The following SLC4A1 variants were observed in gnomAD, a reference collection of about 807,000 sequenced individuals.
SLC4A1 encodes solute carrier family 4 member 1 (Diego blood group), also known as band 3 anion transport protein.
In SLC4A1, 29 loss-of-function variants were observed where a neutral mutation model predicts 93.1. The observed-to-expected ratio is 0.31, with a 90% CI of 0.23 to 0.42. The LOEUF (loss-of-function observed/expected upper bound fraction) is 0.42. Ranked by LOEUF, SLC4A1 falls within the 20% of genes least tolerant of loss-of-function variation. The pLI, the probability that SLC4A1 is intolerant of heterozygous loss-of-function variation, is 1.00. For missense variants in SLC4A1, 965 were observed against 1,190.1 expected (o/e 0.81, Z 2.78); for synonymous variants, 469 against 497.2 (o/e 0.94, Z 0.76).
chr17:44,261,308 C>T (rs1449395746), intron 4 of SLC4A1, among the ~76,000 whole-genome samples: 7 of 152,160 alleles, frequency 4.6e-5, no homozygotes, highest in African/African-American at 9.7e-5. Context: ...CAGTGACGCC[C>T]GACAGCCCAG....
intron 11 of SLC4A1, 69 bp from the exon 12 acceptor site, chr17:44,257,876 G>A (rs1037225902): frequency 5.6e-6 from 9 of 1,608,500 alleles, no homozygotes; most frequent in Middle Eastern, 1.9e-4. Flanking sequence ...AGCAAGTCAT[G>A]GTCAGGCTGA....
rs1329261701 is a variant in SLC4A1, at chr17:44,253,127, C to T, written c.2302G>A (p.Val768Met). 2 of 1,611,892 alleles carry T rather than the reference C, an allele frequency of 1.2e-6. No homozygotes were observed. Among genetic ancestry groups the T allele is most frequent in the South Asian group, 2.2e-5 (2 of 91,082 alleles). ...EQRISGLLVA[V>M]LVGLSILMEP... ...CCCAGCTTTCACTCACCCACAAGCACAGCGACCAGGAGTCCACTGATCCGC... is the reference window on the plus strand; with the variant it reads ...CCCAGCTTTCACTCACCCACAAGCATAGCGACCAGGAGTCCACTGATCCGC... Residue 768 changes from valine (V) to methionine (M), a missense_variant, in exon 17 of 20, where the codon GTG (valine) becomes ATG (methionine). Physicochemically the swap from Val to Met is conservative, Grantham distance 21. Coordinates refer to ENST00000262418, the MANE Select transcript of SLC4A1 (RefSeq NM_000342.4).
At position 44,262,377 on chromosome 17, in the gene SLC4A1, C is replaced by T. The variant is rs16940582; in HGVS notation, c.106+259G>A. On this transcript the variant is annotated intron_variant, in intron 3 of 19. Transcript: ENST00000262418. Reference sequence around the variant, plus strand: ...TGGGCACAGATGGCATGTGGGCTCACGCCCTTGTCCCAAACTGGCTGCCCG... The same window carrying T: ...TGGGCACAGATGGCATGTGGGCTCATGCCCTTGTCCCAAACTGGCTGCCCG... 0.041 allele frequency among the ~76,000 whole-genome samples: 6,306 copies of T among 152,330 alleles called. 207 individuals are homozygous for T. The highest frequency in any genetic ancestry group is 0.084 in the East Asian group (434 of 5,184).
At position 44,255,202 on chromosome 17, in the gene SLC4A1, G is replaced by T; in HGVS notation, c.1890+5C>A. 6.4e-7 allele frequency: 1 copy of T among 1,550,992 alleles called. No individual in the cohort carries two copies. Among genetic ancestry groups the T allele is most frequent in the Non-Finnish European group, 8.7e-7 (1 of 1,145,436 alleles). On this transcript the variant is annotated splice_donor_5th_base_variant and intron_variant, in intron 15 of 19. Coordinates refer to ENST00000262418, the MANE Select transcript of SLC4A1 (RefSeq NM_000342.4). ...CATGGTCTGAGGGCTGGGAGGAGGG[G>T]TCACCTGGGTGTAGGTATCCTGAAT...
Position 44,251,186 on chromosome 17 carries a change from G to A in SLC4A1, c.2628C>T (p.Leu876=), listed in dbSNP as rs1567827836. 6.2e-7 allele frequency: 1 copy of A among 1,610,382 alleles called. No individual in the cohort carries two copies. The highest frequency in any genetic ancestry group is 8.5e-7 in the Non-Finnish European group (1 of 1,178,494). Residue 876 remains leucine, a synonymous_variant, in exon 19 of 20, where the codon CTC becomes CTT. Transcript: ENST00000262418. ...ACTGAAGCTCCACGTTCCTGAAGAT[G>A]AGCGGCAGCAGGACGCGCCGCAGCG... ...TVPLRRVLLP[L]IFRNVELQCL...
intron 6 of SLC4A1, 142 bp downstream of exon 6, chr17:44,260,262 A>C (rs2047430669): frequency 5.5e-6 from 6 of 1,087,368 alleles, no homozygotes; most frequent in Non-Finnish European, 8.1e-6. Flanking sequence ...AAGGTGTCAG[A>C]GATGGGAGCC....
In SLC4A1 at chr17:44,260,463, T is replaced by C. The variant is rs1791828558; in HGVS notation, c.426A>G (p.Glu142=). The C allele has an allele frequency of 6.2e-7, 1 of 1,614,144 alleles. No homozygotes were observed. The highest frequency in any genetic ancestry group is 8.5e-7 in the Non-Finnish European group (1 of 1,179,998). The part of the protein sequence containing the change: ...ANQLLDRFIF[E]DQIRPQDREE... ...CTCGGTCCTGAGGCCGGATCTGGTC[T>C]TCAAAGATAAACCTGTCTAGCAGTT... The change falls in exon 6 of 20, where the codon GAA becomes GAG. Residue 142 remains glutamate (E), a synonymous_variant. Coordinates refer to ENST00000262418, the MANE Select transcript of SLC4A1 (RefSeq NM_000342.4).
intron 1 of SLC4A1, among the ~76,000 whole-genome samples, chr17:44,264,979 G>A (rs1449606662): frequency 2.7e-5 from 4 of 148,214 alleles, no homozygotes; most frequent in Admixed American, 1.3e-4. Flanking sequence ...TGGAGGCTGT[G>A]GGGAGGGGGT....
At position 44,250,410 on chromosome 17, in the gene SLC4A1, G is replaced by A. The variant is rs376557742; in HGVS notation, c.*48C>T. ...ATGAACTTCTGCTTTTCCTTGGAAG[G>A]TGGGGATGTGGAATGGTGGGGGAGG... On this transcript the variant is annotated 3_prime_UTR_variant, in exon 20 of 20. Coordinates refer to ENST00000262418, the MANE Select transcript of SLC4A1 (RefSeq NM_000342.4). 2.1e-6 allele frequency: 3 copies of A among 1,449,520 alleles called. No homozygotes were observed. The highest frequency in any genetic ancestry group is 2.3e-5 in the East Asian group (1 of 44,102). 89.8% of individuals were successfully genotyped at this position (1,449,520 alleles called of 1,614,324 possible).
chr17:44,266,239 C>T (rs2047495182), intron 1 of SLC4A1, among the ~76,000 whole-genome samples: 1 of 152,076 alleles, frequency 6.6e-6, no homozygotes, highest in Non-Finnish European at 1.5e-5. Flanking sequence ...CTCTCTTTTT[C>T]CTCCTCCCTC....
intron 4 of SLC4A1, among the ~76,000 whole-genome samples, chr17:44,261,018 G>A (rs867261525): frequency 2.0e-5 from 3 of 152,170 alleles, no homozygotes; most frequent in Non-Finnish European, 4.4e-5. Context: ...GGAGAACCCT[G>A]ACCCAAAGGG....
chr17:44,259,784 G>GTA (rs767059036), intron 7 of SLC4A1, 25 bp downstream of exon 7: 53 of 1,613,700 alleles, frequency 3.3e-5, no homozygotes, highest in Non-Finnish European at 4.5e-5. Flanking sequence ...CCCTGACCCT[G>GTA]ACCCTGACCC....
At chr17:44,263,727 T>C (rs796195031) in intron 1 of SLC4A1, among the ~76,000 whole-genome samples, 48 of 142,864 alleles carry the variant, frequency 3.4e-4, no homozygotes, top group African/African-American at 1.3e-3. Flanking sequence ...CCTTCCTTCC[T>C]TCCTTCCTTC....
At chr17:44,264,895 G>A (rs1023808362) in intron 1 of SLC4A1, among the ~76,000 whole-genome samples, 19 of 152,044 alleles carry the variant, frequency 1.2e-4, no homozygotes, top group East Asian at 1.9e-4. Context: ...CTACAGCACA[G>A]GGCATTGAGG....
rs1258135616 is a variant in SLC4A1, at chr17:44,256,168, C to CATCCAT, written c.1627-328_1627-323dup. 2.6e-5 allele frequency among the ~76,000 whole-genome samples: 4 copies of CATCCAT among 152,280 alleles called. No individual in the cohort carries two copies. In the East Asian group the frequency reaches 7.7e-4, roughly 29 times the overall value. On this transcript the variant is annotated intron_variant, in intron 13 of 19. Coordinates refer to ENST00000262418, the MANE Select transcript of SLC4A1 (RefSeq NM_000342.4). ...CCATCCATCCAACCATCCATCCATC[C>CATCCAT]ATCCATCCGTCCATCCATTATCCAT... is the stretch of plus-strand genomic sequence containing the variant.
Position 44,254,521 on chromosome 17 carries a change from T to C in SLC4A1, c.2032A>G (p.Ile678Val). ...GTGGTGATCTGAGACTCCAGGAATA[T>C]GAGGATGAAGACCAGCAGAGCAGGC... ...ALPALLVFIL[I>V]FLESQITTLI... Residue 678 changes from isoleucine (I) to valine (V), a missense_variant, in exon 16 of 20, where the codon ATA becomes GTA. By Grantham distance (29) the Ile-to-Val change is conservative. Transcript: ENST00000262418. 1 of 1,584,014 alleles carries C rather than the reference T, an allele frequency of 6.3e-7. No individual in the cohort carries two copies. The highest frequency in any genetic ancestry group is 8.6e-7 in the Non-Finnish European group (1 of 1,161,744).
rs779087988 is a variant in SLC4A1, at chr17:44,259,830, C to T, written c.588G>A (p.Glu196=). The T allele has an allele frequency of 7.4e-6, 12 of 1,614,080 alleles. No individual in the cohort carries two copies. Among genetic ancestry groups the T allele is most frequent in the Non-Finnish European group, 1.0e-5 (12 of 1,180,020 alleles). ...TCACCTGCTCACAGAAGAGCTGTGT[C>T]TCCAGTGAGGAGTGTTGGGGGAGCA... ...QPLLPQHSSL[E]TQLFCEQGDG... is the part of the protein sequence containing the mutation. Residue 196 remains glutamate (E), a synonymous_variant, in exon 7 of 20, where the codon GAG becomes GAA. Coordinates refer to ENST00000262418, the MANE Select transcript of SLC4A1 (RefSeq NM_000342.4).
At position 44,259,268 on chromosome 17, in the gene SLC4A1, C is replaced by G; in HGVS notation, c.771G>C (p.Glu257Asp). Residue 257 changes from glutamate to aspartate, a missense_variant, in exon 9 of 20, where the codon GAG (glutamate) becomes GAC (aspartate). By Grantham distance (45) the Glu-to-Asp change is conservative. Transcript: ENST00000262418. ...LQEAAELEAV[E>D]LPVPIRFLFV... ...AGAGGAAGCGTATAGGCACCGGCAG[C>G]TCCACCGCCTCCAGCTCCGCTGCCT... 5 of 1,613,870 alleles carry G rather than the reference C, an allele frequency of 3.1e-6. No homozygotes were observed. Among genetic ancestry groups the G allele is most frequent in the Non-Finnish European group, 4.2e-6 (5 of 1,180,024 alleles).
intron 1 of SLC4A1, among the ~76,000 whole-genome samples, chr17:44,265,530 C>T (rs2047489280): frequency 6.6e-6 from 1 of 152,024 alleles, no homozygotes; most frequent in African/African-American, 2.4e-5. Context: ...CCACCACGCC[C>T]AGCTAATTTT....
Sources: allele counts gnomAD v4.1 joint callset (sites outside exome capture counted in the v4.1 genomes callset), GRCh38; gene constraint gnomAD v4.1.1; transcripts MANE v1.5; gene names NCBI Gene and HGNC (gene_info 2026-07-23, HGNC 2026-07-21).